TASP1: variants seen among roughly 807,000 people sequenced by gnomAD.
TASP1 encodes the protein threonine aspartase 1.
A neutral mutation model predicts 56.6 loss-of-function variants in TASP1; 16 were observed. That is an observed-to-expected ratio of 0.28 (90% CI 0.19 to 0.43). TASP1 has a LOEUF of 0.43. Ranked by LOEUF, TASP1 falls within the 20% of genes least tolerant of loss-of-function variation. The pLI is 1.00. For missense variants in TASP1, 393 were observed against 511.6 expected, an observed-to-expected ratio of 0.77 and a Z score of 2.24; for synonymous variants, 179 against 184.2, an observed-to-expected ratio of 0.97 and a Z score of 0.23.
chr20:13,121,045 C>T, the TASP1 span, among the ~76,000 whole-genome samples: 1 of 152,188 alleles, frequency 6.6e-6, no homozygotes, highest in Admixed American at 6.5e-5. Context: ...GCTGATGGGA[C>T]TAGGTTTCTT....
intron 4 of TASP1, among the ~76,000 whole-genome samples, chr20:13,606,958 T>C (rs2048183699): frequency 6.6e-6 from 1 of 152,184 alleles, no homozygotes; most frequent in South Asian, 2.1e-4. Context: ...AGAGTAATTA[T>C]TGTGAGCTAT....
At chr20:13,404,548 G>A (rs2041849145) in intron 13 of TASP1, among the ~76,000 whole-genome samples, 1 of 152,214 alleles carries the variant, frequency 6.6e-6, no homozygotes, top group African/African-American at 2.4e-5. Context: ...TGAGGTTACA[G>A]TGAGCTATGA....
At chr20:13,477,667 G>A (rs1477365390) in intron 11 of TASP1, among the ~76,000 whole-genome samples, 3 of 152,132 alleles carry the variant, frequency 2.0e-5, no homozygotes, top group African/African-American at 7.2e-5. Context: ...GTGTATATGT[G>A]TGTAATCTTT....
intron 11 of TASP1, among the ~76,000 whole-genome samples, chr20:13,451,730 G>A (rs1175337048): frequency 6.6e-6 from 1 of 152,066 alleles, no homozygotes; most frequent in East Asian, 1.9e-4. Flanking sequence ...TCATCTGTGT[G>A]TTCACTAGAG....
Position 13,449,758 on chromosome 20 carries a change from A to G in TASP1, c.986-14604T>C, listed in dbSNP as rs143502157. 3.3e-5 allele frequency among the ~76,000 whole-genome samples: 5 copies of G among 152,236 alleles called. No individual in the cohort carries two copies. In the East Asian group the frequency reaches 9.7e-4, roughly 29 times the overall value. On this transcript the variant is annotated intron_variant, in intron 11 of 13. Transcript: ENST00000337743. ...CGTGAACTTACAACTCTAGGTCTAG[A>G]AATACTGCAATGTTTACATTGTGAA...
At chr20:13,145,733 C>T in the TASP1 span, among the ~76,000 whole-genome samples, 1,058 of 152,276 alleles carry the variant, frequency 6.9e-3, 7 homozygotes, top group African/African-American at 0.024. Flanking sequence ...TACCCAACTT[C>T]ACACTATACT....
chr20:13,487,203 T>C (rs564413606), intron 10 of TASP1, among the ~76,000 whole-genome samples: 2 of 152,324 alleles, frequency 1.3e-5, no homozygotes, highest in South Asian at 4.1e-4. Flanking sequence ...AATATGGACC[T>C]GACCTTCATT....
chr20:13,226,726 A>G, the TASP1 span, among the ~76,000 whole-genome samples: 1 of 152,218 alleles, frequency 6.6e-6, no homozygotes, highest in East Asian at 1.9e-4. Flanking sequence ...AGTCTAGCTC[A>G]TATATCTTTA....
At chr20:13,360,716 A>G in the TASP1 span, among the ~76,000 whole-genome samples, 5 of 152,206 alleles carry the variant, frequency 3.3e-5, no homozygotes, top group Admixed American at 2.0e-4. Context: ...CCTGACGCAT[A>G]TACTTTCTGC....
intron 4 of TASP1, among the ~76,000 whole-genome samples, chr20:13,606,441 G>A (rs779723870): frequency 2.0e-5 from 3 of 151,770 alleles, no homozygotes; most frequent in Non-Finnish European, 2.9e-5. Context: ...GGCACTTTCC[G>A]CTACCTGACA....
chr20:13,111,911 A>G, the TASP1 span, among the ~76,000 whole-genome samples: 1 of 152,058 alleles, frequency 6.6e-6, no homozygotes, highest in African/African-American at 2.4e-5. Flanking sequence ...CAGAGAAACA[A>G]CTCCAGCAGC....
chr20:13,294,388 T>C, the TASP1 span, among the ~76,000 whole-genome samples: 3 of 152,248 alleles, frequency 2.0e-5, no homozygotes, highest in South Asian at 2.1e-4. Context: ...AAAATAGAAA[T>C]GACTTTAAAG....
chr20:13,355,053 T>C, the TASP1 span, among the ~76,000 whole-genome samples: 1 of 152,066 alleles, frequency 6.6e-6, no homozygotes, highest in Non-Finnish European at 1.5e-5. Flanking sequence ...GTTATAATGT[T>C]AGGAAAATAG....
At chr20:13,219,110 G>C in the TASP1 span, among the ~76,000 whole-genome samples, 3 of 152,154 alleles carry the variant, frequency 2.0e-5, no homozygotes, top group African/African-American at 7.2e-5. Flanking sequence ...TACATGTGGA[G>C]ACTGTGTGTG....
chr20:13,369,252 C>T, the TASP1 span, among the ~76,000 whole-genome samples: 1 of 152,124 alleles, frequency 6.6e-6, no homozygotes, highest in African/African-American at 2.4e-5. Flanking sequence ...TCGAGACCAG[C>T]CTGGCCAACA....
the TASP1 span, among the ~76,000 whole-genome samples, chr20:13,146,829 G>A: frequency 6.6e-6 from 1 of 152,262 alleles, no homozygotes; most frequent in African/African-American, 2.4e-5. Flanking sequence ...GCCTCATCAT[G>A]AGCGAGTTTA....
At chr20:13,113,721 G>A in the TASP1 span, among the ~76,000 whole-genome samples, 1 of 152,288 alleles carries the variant, frequency 6.6e-6, no homozygotes, top group African/African-American at 2.4e-5. Context: ...GCTAGTGTTG[G>A]CAGAGGCCCA....
At chr20:13,380,195 C>T in the TASP1 span, among the ~76,000 whole-genome samples, 2 of 152,172 alleles carry the variant, frequency 1.3e-5, no homozygotes, top group East Asian at 1.9e-4. Flanking sequence ...CTGGTTTTTC[C>T]TCATCTTTGT....
At chr20:13,391,195 T>A (rs2041260776) in intron 13 of TASP1, among the ~76,000 whole-genome samples, 1 of 152,116 alleles carries the variant, frequency 6.6e-6, no homozygotes, top group Non-Finnish European at 1.5e-5. Context: ...CCTATAGTCT[T>A]TGTAAAGAGG....
Sources: allele counts gnomAD v4.1 joint callset (sites outside exome capture counted in the v4.1 genomes callset), GRCh38; gene constraint gnomAD v4.1.1; transcripts MANE v1.5; gene names NCBI Gene and HGNC (gene_info 2026-07-23, HGNC 2026-07-21).